Variants in UNC5B observed in about 807,000 individuals in gnomAD.
UNC5B encodes netrin receptor UNC5B.
Under a neutral mutation model 103.7 loss-of-function variants are expected in UNC5B, and 56 were observed. The ratio of observed to expected loss-of-function variants is 0.54; its 90% CI spans 0.44 to 0.67. The LOEUF (loss-of-function observed/expected upper bound fraction) is 0.67, where lower values mean the gene tolerates loss of function less well. Among genes scored for constraint, UNC5B ranks in the 30% least tolerant of loss-of-function variants. The pLI, the probability that UNC5B is intolerant of heterozygous loss-of-function variation, is 0.00. For synonymous variants in UNC5B, 577 were observed against 542.0 expected (o/e 1.06, Z -0.90); for missense variants, 1,194 against 1,284.5 (o/e 0.93, Z 1.08).
chr10:71,285,647 G>A (rs938148527), intron 4 of UNC5B, among the ~76,000 whole-genome samples: 1 of 151,788 alleles, frequency 6.6e-6, no homozygotes, highest in Non-Finnish European at 1.5e-5. Flanking sequence ...ATAACCCCAC[G>A]GGATGGGGTG....
intron 1 of UNC5B, among the ~76,000 whole-genome samples, chr10:71,266,879 G>A (rs1844536413): frequency 6.6e-6 from 1 of 152,184 alleles, no homozygotes; most frequent in Admixed American, 6.5e-5. Context: ...ATTCTGAGTA[G>A]CATGATGGAA....
chr10:71,296,457 C>T (rs1845414337), intron 14 of UNC5B, 121 bp from the exon 15 acceptor site: 5 of 1,175,554 alleles, frequency 4.3e-6, no homozygotes, highest in Non-Finnish European at 4.7e-6. Context: ...TGACCCCTCC[C>T]TATCTGGGTG....
chr10:71,260,299 G>A (rs113532465), intron 1 of UNC5B, among the ~76,000 whole-genome samples: 2 of 152,230 alleles, frequency 1.3e-5, no homozygotes, highest in African/African-American at 2.4e-5. Context: ...CTCGGGGACC[G>A]CCTTTCCCCA....
intron 1 of UNC5B, among the ~76,000 whole-genome samples, chr10:71,258,671 C>A (rs1260341078): frequency 6.6e-6 from 1 of 152,204 alleles, no homozygotes. Context: ...TAGCGACATC[C>A]CAAGCAGCCC....
intron 1 of UNC5B, among the ~76,000 whole-genome samples, chr10:71,236,267 G>A (rs1264574393): frequency 6.6e-6 from 1 of 152,232 alleles, no homozygotes; most frequent in Non-Finnish European, 1.5e-5. Context: ...AGCCTGGGCA[G>A]TTGAGTTCCC....
Position 71,213,071 on chromosome 10 carries a change from A to G in UNC5B, c.79+7A>G. ...CCGAGGCTGAGCCAAGCAGGTAGGA[A>G]GCGATCGGGTCTGGGGGCGCGGGGC... On this transcript the variant is annotated splice_region_variant and intron_variant, in intron 1 of 16. Transcript: ENST00000335350. The surrounding 1 kb of genome is among the most constrained non-coding windows in gnomAD (Gnocchi z 4.1). 1 of 1,370,674 alleles carries G rather than the reference A, an allele frequency of 7.3e-7. No homozygotes were observed. The highest frequency in any genetic ancestry group is 9.5e-7 in the Non-Finnish European group (1 of 1,054,792). 84.9% of individuals were successfully genotyped at this position (1,370,674 alleles called of 1,614,324 possible).
chr10:71,255,789 C>T (rs1282955646), intron 1 of UNC5B, among the ~76,000 whole-genome samples: 2 of 152,240 alleles, frequency 1.3e-5, no homozygotes, highest in Non-Finnish European at 2.9e-5. Context: ...CTTCTGCAAG[C>T]TCTGCTGAGA....
At chr10:71,240,219 C>T (rs780519487) in intron 1 of UNC5B, among the ~76,000 whole-genome samples, 1 of 152,264 alleles carries the variant, frequency 6.6e-6, no homozygotes, top group African/African-American at 2.4e-5. Flanking sequence ...TTCTGCCATG[C>T]GGCCTGCTGC....
chr10:71,289,163 C>T (rs1176997910), intron 8 of UNC5B, among the ~76,000 whole-genome samples, 173 bp downstream of exon 8: 1 of 152,202 alleles, frequency 6.6e-6, no homozygotes, highest in Non-Finnish European at 1.5e-5. Context: ...CACCGGCAGA[C>T]AGGCAAACCC....
intron 1 of UNC5B, among the ~76,000 whole-genome samples, chr10:71,251,259 T>C (rs1481060623): frequency 6.6e-6 from 1 of 152,218 alleles, no homozygotes; most frequent in African/African-American, 2.4e-5. Flanking sequence ...GAAGGTAGAA[T>C]CTTCAAAGCC....
rs562455938 is a variant in UNC5B, at chr10:71,261,564, G to C, written c.80-18257G>C. ...AGCCTCAATTTCTTCATCTTTCAAAGGGAGAGAAGGACTCAGCTGGACCTC... is the reference window on the plus strand; with the variant it reads ...AGCCTCAATTTCTTCATCTTTCAAACGGAGAGAAGGACTCAGCTGGACCTC... On this transcript the variant is annotated intron_variant, in intron 1 of 16. Coordinates refer to ENST00000335350, the MANE Select transcript of UNC5B (RefSeq NM_170744.5). Among the ~76,000 whole-genome samples, 143 of 152,304 alleles carry C rather than the reference G, an allele frequency of 9.4e-4. 1 individual carries two copies. The highest frequency in any genetic ancestry group is 3.4e-3 in the African/African-American group (142 of 41,564).
At chr10:71,250,239 C>A (rs1181365538) in intron 1 of UNC5B, among the ~76,000 whole-genome samples, 2 of 152,198 alleles carry the variant, frequency 1.3e-5, no homozygotes, top group African/African-American at 2.4e-5. Context: ...AACTCCTTTC[C>A]CCCCGGCCCT....
In UNC5B at chr10:71,298,079, C is replaced by G. The variant is rs756830881; in HGVS notation, c.2661C>G (p.Leu887=). 4 of 1,607,956 alleles carry G rather than the reference C, an allele frequency of 2.5e-6. No homozygotes were observed. In the African/African-American group the frequency reaches 4.0e-5, roughly 16 times the overall value. ...GNDWRMLAQK[L]SMDRYLNYFA... is the part of the protein sequence containing the mutation. ...ACTGGCGGATGTTAGCACAGAAGCT[C>G]TCTATGGACCGGTGAGTATCCCAAA... Residue 887 remains leucine (L), a synonymous_variant, in exon 16 of 17, where the codon CTC becomes CTG. Coordinates refer to ENST00000335350, the MANE Select transcript of UNC5B (RefSeq NM_170744.5).
intron 1 of UNC5B, among the ~76,000 whole-genome samples, chr10:71,219,919 A>G (rs1023135012): frequency 8.5e-5 from 13 of 152,196 alleles, no homozygotes; most frequent in African/African-American, 3.1e-4. Context: ...TTCTGAGAGC[A>G]TGTCCTGAAG....
At chr10:71,214,988 C>T (rs1386365925) in intron 1 of UNC5B, among the ~76,000 whole-genome samples, 4 of 152,180 alleles carry the variant, frequency 2.6e-5, no homozygotes, top group Non-Finnish European at 5.9e-5. Context: ...GCCTGCCCAC[C>T]AGCCTGGAGA....
chr10:71,220,631 ATGGGGGTAATAAT>A (rs1843434850), intron 1 of UNC5B, among the ~76,000 whole-genome samples: 1 of 152,166 alleles, frequency 6.6e-6, no homozygotes, highest in South Asian at 2.1e-4. Flanking sequence ...CATCTGTAAA[ATGGGGGTAATAAT>A]AACATCATCC....
Position 71,301,450 on chromosome 10 carries a change from A to C in UNC5B, c.*2173A>C, listed in dbSNP as rs1367001040. 2.6e-5 allele frequency: 4 copies of C among 152,268 alleles called. No homozygotes were observed. Among genetic ancestry groups the C allele is most frequent in the African/African-American group, 7.2e-5 (3 of 41,464 alleles). The allele number at this position is 152,268 out of a possible 1,614,324, so 9.4% of individuals were successfully genotyped here. A position where few individuals can be genotyped will look rare whatever the true frequency, so the allele number is the denominator to read the frequency against. On this transcript the variant is annotated 3_prime_UTR_variant, in exon 17 of 17. Transcript: ENST00000335350. ...TGGCTGGGCCCGGAGGCTGAGACTA[A>C]GGCTTTCGACCCTGGTGCCTCCATG...
chr10:71,236,506 G>A (rs1189539627), intron 1 of UNC5B, among the ~76,000 whole-genome samples: 4 of 152,192 alleles, frequency 2.6e-5, no homozygotes, highest in African/African-American at 4.8e-5. Context: ...ATATGAAGCC[G>A]GGGCAGGGAG....
chr10:71,267,516 G>A (rs1423286423), intron 1 of UNC5B, among the ~76,000 whole-genome samples: 1 of 152,182 alleles, frequency 6.6e-6, no homozygotes, highest in Non-Finnish European at 1.5e-5. Context: ...GTAGGCTGGA[G>A]GCAGACTGGG....
Sources: gnomAD v4.1 joint callset for allele counts (sites outside exome capture counted in the v4.1 genomes callset) on GRCh38, gnomAD v4.1.1 for gene constraint, Gnocchi (gnomAD v3.1) non-coding constraint, MANE v1.5 for transcripts, NCBI Gene and HGNC (gene_info 2026-07-23, HGNC 2026-07-21) for gene names.